HEMK2: variants seen among roughly 807,000 people sequenced by gnomAD.
HEMK2 encodes methyltransferase HEMK2.
At chr21:28,798,569 T>C in the HEMK2 span, among the ~76,000 whole-genome samples, 1 of 152,068 alleles carries the variant, frequency 6.6e-6, no homozygotes, top group South Asian at 2.1e-4. Flanking sequence ...AGAGCCTGAG[T>C]GGAAACTAAA....
At chr21:28,882,355 GAAAA>G in the HEMK2 span, 6 of 572,410 alleles carry the variant, frequency 1.0e-5, no homozygotes, top group Admixed American at 3.6e-5. Context: ...AACAGATTTA[GAAAA>G]AAAAAAATTA....
At chr21:28,665,202 T>A in the HEMK2 span, among the ~76,000 whole-genome samples, 1 of 151,570 alleles carries the variant, frequency 6.6e-6, no homozygotes, top group East Asian at 1.9e-4. Context: ...TCTGGGAGGT[T>A]GAGGCTGTGG....
the HEMK2 span, chr21:28,882,315 A>T: frequency 8.2e-7 from 1 of 1,219,502 alleles, no homozygotes; most frequent in South Asian, 1.3e-5. Flanking sequence ...ACTGAGTAAT[A>T]TCAAGGTATG....
At chr21:28,784,519 C>T in the HEMK2 span, among the ~76,000 whole-genome samples, 2,018 of 151,058 alleles carry the variant, frequency 0.013, 21 homozygotes, top group South Asian at 0.024. Context: ...TGTAAATGCA[C>T]CAATCAGCAC....
chr21:28,679,175 G>A, the HEMK2 span, among the ~76,000 whole-genome samples: 1 of 152,100 alleles, frequency 6.6e-6, no homozygotes, highest in African/African-American at 2.4e-5. Context: ...ACACATATGG[G>A]CTCAAAATAA....
At chr21:28,802,126 G>A in the HEMK2 span, among the ~76,000 whole-genome samples, 3 of 152,118 alleles carry the variant, frequency 2.0e-5, no homozygotes, top group Non-Finnish European at 1.5e-5. Flanking sequence ...ACATAAGCAA[G>A]TGCCTAGCAA....
chr21:28,787,918 T>C, the HEMK2 span, among the ~76,000 whole-genome samples: 3 of 152,116 alleles, frequency 2.0e-5, no homozygotes, highest in African/African-American at 4.8e-5. Flanking sequence ...TGCATGTTTA[T>C]AGCAGCAAAA....
At chr21:28,857,832 T>C in the HEMK2 span, among the ~76,000 whole-genome samples, 37 of 152,198 alleles carry the variant, frequency 2.4e-4, no homozygotes, top group African/African-American at 8.7e-4. Context: ...GTTAAATCTT[T>C]CTACTGTTTA....
the HEMK2 span, among the ~76,000 whole-genome samples, chr21:28,695,284 C>T: frequency 6.6e-6 from 1 of 152,078 alleles, no homozygotes; most frequent in Non-Finnish European, 1.5e-5. Context: ...ATGTTGAAAT[C>T]TGATCCCCAT....
the HEMK2 span, among the ~76,000 whole-genome samples, chr21:28,640,085 T>G: frequency 6.6e-6 from 1 of 152,248 alleles, no homozygotes; most frequent in South Asian, 2.1e-4. Flanking sequence ...AAACCCACAG[T>G]CTCTGGCACA....
the HEMK2 span, among the ~76,000 whole-genome samples, chr21:28,762,647 A>G: frequency 1.1e-4 from 16 of 152,118 alleles, no homozygotes; most frequent in African/African-American, 3.9e-4. Context: ...GGAGTAGTGG[A>G]ATAATGTTGC....
At chr21:28,742,555 CTAGTGCTT>C in the HEMK2 span, among the ~76,000 whole-genome samples, 3 of 151,970 alleles carry the variant, frequency 2.0e-5, no homozygotes, top group African/African-American at 7.2e-5. Flanking sequence ...AGGTTACTGA[CTAGTGCTT>C]TGTAGTACAG....
chr21:28,591,983 G>A, the HEMK2 span, among the ~76,000 whole-genome samples: 1 of 152,202 alleles, frequency 6.6e-6, no homozygotes, highest in South Asian at 2.1e-4. Context: ...CTATGTCTTT[G>A]CTATTGTGAA....
At chr21:28,808,637 T>C in the HEMK2 span, among the ~76,000 whole-genome samples, 2 of 152,086 alleles carry the variant, frequency 1.3e-5, no homozygotes, top group African/African-American at 4.8e-5. Context: ...TATGTTATTA[T>C]AAATGCAGTT....
At chr21:28,794,652 T>C in the HEMK2 span, among the ~76,000 whole-genome samples, 1 of 152,246 alleles carries the variant, frequency 6.6e-6, no homozygotes, top group Non-Finnish European at 1.5e-5. Flanking sequence ...ATCCACATAT[T>C]GTATGACAAG....
At chr21:28,603,543 A>AGATGTGTGTGTG in the HEMK2 span, among the ~76,000 whole-genome samples, 19 of 101,320 alleles carry the variant, frequency 1.9e-4, no homozygotes, top group African/African-American at 6.7e-4. Context: ...TTTACTGAGG[A>AGATGTGTGTGTG]TATATATGTG....
the HEMK2 span, among the ~76,000 whole-genome samples, chr21:28,745,470 C>G: frequency 2.0e-5 from 3 of 152,196 alleles, no homozygotes; most frequent in Non-Finnish European, 4.4e-5. Flanking sequence ...CTGGCCCCGT[C>G]AGTTAGAGGG....
chr21:28,684,642 G>A, the HEMK2 span, among the ~76,000 whole-genome samples: 1 of 152,094 alleles, frequency 6.6e-6, no homozygotes, highest in Non-Finnish European at 1.5e-5. Context: ...TTGAGATTAC[G>A]GCATTCAGGA....
At chr21:28,818,639 A>C in the HEMK2 span, among the ~76,000 whole-genome samples, 1 of 152,128 alleles carries the variant, frequency 6.6e-6, no homozygotes, top group African/African-American at 2.4e-5. Flanking sequence ...TATCTTAGAA[A>C]GCTGCAGGGA....
Sources: allele counts gnomAD v4.1 joint callset (sites outside exome capture counted in the v4.1 genomes callset), GRCh38; gene constraint gnomAD v4.1.1; transcripts MANE v1.5; gene names NCBI Gene and HGNC (gene_info 2026-07-23, HGNC 2026-07-21).